RFPL1: variants seen among roughly 807,000 people sequenced by gnomAD.
The protein encoded by RFPL1 is ret finger protein like 1.
Under a neutral mutation model 9.6 loss-of-function variants are expected in RFPL1, and 6 were observed. The ratio of observed to expected loss-of-function variants is 0.62; its 90% CI spans 0.34 to 1.23. The LOEUF (loss-of-function observed/expected upper bound fraction) is 1.23. Among genes scored for constraint, RFPL1 ranks in the 50% most tolerant of loss-of-function variants. RFPL1 has a pLI of 0.03. For synonymous variants in RFPL1, 145 were observed against 149.4 expected (o/e 0.97, Z 0.22); for missense variants, 352 against 398.4 (o/e 0.88, Z 0.99).
intron 1 of RFPL1, chr22:29,439,560 G>A (rs1042527527): frequency 5.2e-6 from 1 of 192,350 alleles, no homozygotes; most frequent in Admixed American, 5.3e-5. Flanking sequence ...TTAACCTGGG[G>A]GGGGCGGAGC....
the RFPL1 span, among the ~76,000 whole-genome samples, chr22:29,403,866 C>T: frequency 0.01 from 1,538 of 152,296 alleles, 23 homozygotes; most frequent in African/African-American, 0.035. Flanking sequence ...GGGAATTTGG[C>T]ACAATCTCAC....
chr22:29,398,153 G>A, the RFPL1 span, among the ~76,000 whole-genome samples: 2 of 152,188 alleles, frequency 1.3e-5, 1 homozygote, highest in South Asian at 4.1e-4. Flanking sequence ...CACTCATGGG[G>A]GTGTGGGAAG....
the RFPL1 span, among the ~76,000 whole-genome samples, chr22:29,430,652 A>G: frequency 6.6e-6 from 1 of 152,154 alleles, no homozygotes; most frequent in Admixed American, 6.5e-5. Flanking sequence ...CCTTTAAATA[A>G]ATGGTCACAT....
At chr22:29,428,571 C>T in the RFPL1 span, among the ~76,000 whole-genome samples, 5 of 152,192 alleles carry the variant, frequency 3.3e-5, no homozygotes, top group African/African-American at 9.7e-5. Flanking sequence ...ATGGGATCCT[C>T]TCCAGGATGG....
At chr22:29,398,438 C>T in the RFPL1 span, among the ~76,000 whole-genome samples, 1 of 152,202 alleles carries the variant, frequency 6.6e-6, no homozygotes, top group African/African-American at 2.4e-5. Flanking sequence ...TGCAAAATAT[C>T]CCCACGGGGC....
chr22:29,438,553 C>G (rs2062820450), upstream of RFPL1: 1 of 1,364,730 alleles, frequency 7.3e-7, no homozygotes. Context: ...GGTGAAATGA[C>G]CCCAGCTCGC....
chr22:29,401,945 C>T, the RFPL1 span, among the ~76,000 whole-genome samples: 14 of 152,144 alleles, frequency 9.2e-5, no homozygotes, highest in Admixed American at 2.0e-4. Flanking sequence ...CCTGAACTCA[C>T]GGAGGGTTGG....
upstream of RFPL1, among the ~76,000 whole-genome samples, chr22:29,435,616 G>A (rs574385866): frequency 1.3e-5 from 2 of 152,200 alleles, no homozygotes; most frequent in East Asian, 3.9e-4. Context: ...TGTCTCCCAA[G>A]CTTTGTTTTC....
the RFPL1 span, among the ~76,000 whole-genome samples, chr22:29,426,769 T>G: frequency 6.6e-6 from 1 of 152,020 alleles, no homozygotes; most frequent in Non-Finnish European, 1.5e-5. Flanking sequence ...GTTATTTGAT[T>G]GTGGGTGGGT....
chr22:29,410,190 G>A, the RFPL1 span, among the ~76,000 whole-genome samples: 7 of 143,390 alleles, frequency 4.9e-5, 1 homozygote, highest in South Asian at 1.5e-3. Flanking sequence ...AAGGAGAGAC[G>A]CGAAGATTAC....
the RFPL1 span, among the ~76,000 whole-genome samples, chr22:29,390,542 T>A: frequency 6.6e-6 from 1 of 151,834 alleles, no homozygotes; most frequent in Non-Finnish European, 1.5e-5. Flanking sequence ...TTGGTGGTGT[T>A]GGTAAAATAC....
upstream of RFPL1, chr22:29,437,437 T>G (rs190088281): frequency 1.1e-4 from 62 of 579,842 alleles, no homozygotes; most frequent in Admixed American, 1.7e-3. Flanking sequence ...AGTTAGTACA[T>G]TAAGCCTAAT....
the RFPL1 span, among the ~76,000 whole-genome samples, chr22:29,392,593 T>C: frequency 6.6e-6 from 1 of 151,988 alleles, no homozygotes; most frequent in South Asian, 2.1e-4. Context: ...TTTTGCCATG[T>C]TGGCCAGGCT....
chr22:29,411,715 G>C, the RFPL1 span, among the ~76,000 whole-genome samples: 73 of 152,338 alleles, frequency 4.8e-4, no homozygotes, highest in African/African-American at 1.6e-3. Context: ...GTCGGAGCAG[G>C]AGGGTCAGCA....
chr22:29,409,535 A>T, the RFPL1 span, among the ~76,000 whole-genome samples: 19 of 152,114 alleles, frequency 1.2e-4, no homozygotes, highest in African/African-American at 4.1e-4. Context: ...GGGATTCCTC[A>T]GCAGCACCAA....
the RFPL1 span, among the ~76,000 whole-genome samples, chr22:29,406,022 T>C: frequency 5.0e-5 from 7 of 140,528 alleles, no homozygotes; most frequent in Non-Finnish European, 3.0e-5. Flanking sequence ...GGCAGGAGAA[T>C]GGCGTGAACC....
chr22:29,436,781 T>C (rs2062810774), upstream of RFPL1: 1 of 151,940 alleles, frequency 6.6e-6, no homozygotes, highest in Admixed American at 6.6e-5. Flanking sequence ...TGTCTCAGAG[T>C]CCTCTAATCC....
the RFPL1 span, among the ~76,000 whole-genome samples, chr22:29,422,182 C>T: frequency 6.6e-6 from 1 of 152,196 alleles, no homozygotes; most frequent in Non-Finnish European, 1.5e-5. Context: ...TAGCAAATTT[C>T]AGTGTAGCTA....
chr22:29,395,299 G>A, the RFPL1 span, among the ~76,000 whole-genome samples: 13 of 152,232 alleles, frequency 8.5e-5, no homozygotes, highest in East Asian at 2.5e-3. Flanking sequence ...TTTGCTTGCT[G>A]GTTTTTGTTG....
Sources: gnomAD v4.1 joint callset for allele counts (sites outside exome capture counted in the v4.1 genomes callset) on GRCh38, gnomAD v4.1.1 for gene constraint, MANE v1.5 for transcripts, NCBI Gene and HGNC (gene_info 2026-07-23, HGNC 2026-07-21) for gene names.